Variants in DIAPH2 observed in about 807,000 individuals in gnomAD.
The protein encoded by DIAPH2 is protein diaphanous homolog 2.
DIAPH2 carries 35 observed loss-of-function variants against 92.7 expected under a neutral mutation model. The ratio of observed to expected loss-of-function variants is 0.38; its 90% CI spans 0.29 to 0.50. The LOEUF is 0.50. DIAPH2 is among the 20% of genes least tolerant of loss of function. The probability of loss-of-function intolerance (pLI) is 0.94; values close to 1 mark genes in which losing one functional copy is unlikely to be tolerated. For missense variants in DIAPH2, 701 were observed against 819.5 expected (o/e 0.86, Z 1.77); for synonymous variants, 301 against 280.4 (o/e 1.07, Z -0.73).
In DIAPH2 at chrX:97,073,615, C is replaced by T. The variant is rs2066684302; in HGVS notation, c.2152+573C>T. Among the ~76,000 whole-genome samples, 5 of 112,090 alleles carry T rather than the reference C, an allele frequency of 4.5e-5. No individual in the cohort carries two copies. In the South Asian group the frequency reaches 1.9e-3, roughly 42 times the overall value. On this transcript the variant is annotated intron_variant, in intron 18 of 26. Coordinates refer to ENST00000324765, the MANE Select transcript of DIAPH2 (RefSeq NM_006729.5). Reference sequence around the variant, plus strand: ...AGCCTTTAAGTTTTAACATACTCTTCCCTCTGTCTTGAAATCAGAATTTTT... The same window carrying T: ...AGCCTTTAAGTTTTAACATACTCTTTCCTCTGTCTTGAAATCAGAATTTTT...
At chrX:96,854,598 C>CATATATATATATATAT (rs57209486) in intron 4 of DIAPH2, among the ~76,000 whole-genome samples, 4 of 37,122 alleles carry the variant, frequency 1.1e-4, no homozygotes, top group Non-Finnish European at 1.6e-4. Context: ...CTCTCTCTCT[C>CATATATATATATATAT]ATATATATAT....
chrX:97,014,480 C>T (rs1280785328), intron 17 of DIAPH2, among the ~76,000 whole-genome samples: 1 of 112,159 alleles, frequency 8.9e-6, no homozygotes, highest in Non-Finnish European at 1.9e-5. Flanking sequence ...TCCACTCTTC[C>T]TCATGAAACA....
intron 23 of DIAPH2, among the ~76,000 whole-genome samples, chrX:97,269,763 T>A (rs1044828188): frequency 4.6e-5 from 5 of 108,015 alleles, no homozygotes; most frequent in East Asian, 2.9e-4. Context: ...TTTTTTTTTT[T>A]TTTTTTGAGA....
At chrX:97,426,439 C>T (rs1465387865) in intron 25 of DIAPH2, among the ~76,000 whole-genome samples, 1 of 110,498 alleles carries the variant, frequency 9.0e-6, no homozygotes, top group Non-Finnish European at 1.9e-5. Flanking sequence ...CAGGCGCCTG[C>T]CATCACACCT....
chrX:97,077,005 C>T (rs5966640), intron 19 of DIAPH2, among the ~76,000 whole-genome samples: 3 of 111,719 alleles, frequency 2.7e-5, no homozygotes, highest in Admixed American at 1.9e-4. Context: ...TTGATCAAAA[C>T]CCATTTTCTT....
intron 1 of DIAPH2, among the ~76,000 whole-genome samples, chrX:96,709,314 G>A (rs1009148737): frequency 8.9e-6 from 1 of 112,048 alleles, no homozygotes; most frequent in Non-Finnish European, 1.9e-5. Flanking sequence ...CATGCAATTT[G>A]ATGAAATGTG....
intron 22 of DIAPH2, among the ~76,000 whole-genome samples, chrX:97,145,232 T>C (rs759357167): frequency 7.3e-5 from 8 of 110,072 alleles, no homozygotes; most frequent in Non-Finnish European, 1.1e-4. Context: ...GTATAGTTTA[T>C]AGTATATGCT....
chrX:97,293,932 A>T (rs1005004567), intron 23 of DIAPH2, among the ~76,000 whole-genome samples: 2 of 112,133 alleles, frequency 1.8e-5, no homozygotes, highest in African/African-American at 6.5e-5. Flanking sequence ...TATGATATTA[A>T]TATGTTCGAA....
intron 24 of DIAPH2, among the ~76,000 whole-genome samples, chrX:97,380,214 T>A (rs952094699): frequency 1.3e-4 from 15 of 111,363 alleles, no homozygotes; most frequent in African/African-American, 4.2e-4. Flanking sequence ...CCAGTAAAAC[T>A]GAGACTTTTT....
chrX:97,433,269 G>T (rs1484365081), intron 26 of DIAPH2, among the ~76,000 whole-genome samples: 1 of 110,981 alleles, frequency 9.0e-6, no homozygotes, highest in Non-Finnish European at 1.9e-5. Context: ...CCAGCACTTT[G>T]GGAGGCTGAG....
At chrX:97,073,257 TG>T (rs2066681723) in intron 18 of DIAPH2, among the ~76,000 whole-genome samples, 1 of 111,906 alleles carries the variant, frequency 8.9e-6, no homozygotes, top group Non-Finnish European at 1.9e-5. Flanking sequence ...AGATGAAACT[TG>T]GGAATAGTAA....
chrX:97,182,348 A>G (rs1412561628), intron 22 of DIAPH2, among the ~76,000 whole-genome samples: 1 of 112,038 alleles, frequency 8.9e-6, no homozygotes, highest in Non-Finnish European at 1.9e-5. Context: ...TGGTGGAAGA[A>G]GTTTGAGACT....
At chrX:96,901,532 GTTTTT>G (rs369526046) in intron 5 of DIAPH2, among the ~76,000 whole-genome samples, 1 of 33,081 alleles carries the variant, frequency 3.0e-5, no homozygotes, top group African/African-American at 1.0e-4. Context: ...TTTTCTTTCT[GTTTTT>G]TTTTTTTTTT....
At chrX:97,366,382 G>A (rs749385024) in intron 24 of DIAPH2, among the ~76,000 whole-genome samples, 13 of 111,861 alleles carry the variant, frequency 1.2e-4, no homozygotes, top group Non-Finnish European at 2.3e-4. Flanking sequence ...ACTTAAACTT[G>A]TCTACTTTCA....
chrX:97,588,996 A>AATATATATATATATATATAT (rs199558439), intron 26 of DIAPH2, among the ~76,000 whole-genome samples: 689 of 31,629 alleles, frequency 0.022, 77 homozygotes, highest in Middle Eastern at 0.045. Flanking sequence ...ATATTATAGA[A>AATATATATATATATATATAT]ATATATATAT....
At chrX:97,005,908 CTTT>C (rs58056111) in intron 17 of DIAPH2, among the ~76,000 whole-genome samples, 18 of 68,145 alleles carry the variant, frequency 2.6e-4, no homozygotes, top group Admixed American at 8.5e-4. Flanking sequence ...TGAAGTTTTT[CTTT>C]TTTTTTTTTT....
intron 19 of DIAPH2, among the ~76,000 whole-genome samples, chrX:97,081,033 T>C (rs1295193105): frequency 1.8e-5 from 2 of 112,249 alleles, no homozygotes; most frequent in Non-Finnish European, 3.8e-5. Context: ...TATTGTAGAA[T>C]TTGAAAACAT....
At chrX:96,843,301 A>G (rs1478471639) in intron 4 of DIAPH2, among the ~76,000 whole-genome samples, 5 of 111,706 alleles carry the variant, frequency 4.5e-5, no homozygotes, top group Admixed American at 2.9e-4. Context: ...CTTTATTTCC[A>G]GTACAGCCCG....
At chrX:96,939,099 A>G (rs1430841427) in intron 11 of DIAPH2, among the ~76,000 whole-genome samples, 167 bp from the exon 12 acceptor site, 2 of 111,619 alleles carry the variant, frequency 1.8e-5, no homozygotes, top group African/African-American at 6.5e-5. Flanking sequence ...AAATGATTCC[A>G]TAGAATCATT....
Sources: allele counts gnomAD v4.1 joint callset (sites outside exome capture counted in the v4.1 genomes callset), GRCh38; gene constraint gnomAD v4.1.1; transcripts MANE v1.5; gene names NCBI Gene and HGNC (gene_info 2026-07-23, HGNC 2026-07-21).